Variants in ZMIZ1 observed in about 807,000 individuals in gnomAD.
ZMIZ1 encodes zinc finger MIZ-type containing 1.
Under a neutral mutation model 113.9 loss-of-function variants are expected in ZMIZ1, and 17 were observed. The ratio of observed to expected loss-of-function variants is 0.15; its 90% confidence interval spans 0.10 to 0.22. ZMIZ1 has a LOEUF of 0.22. Ranked by LOEUF, ZMIZ1 falls within the 10% of genes least tolerant of loss-of-function variation. The pLI, the probability that ZMIZ1 is intolerant of heterozygous loss-of-function variation, is 1.00. For synonymous variants in ZMIZ1, 607 were observed against 603.1 expected (o/e 1.01, Z -0.09); for missense variants, 1,059 against 1,477.8 (o/e 0.72, Z 4.65).
At chr10:79,183,757 A>G (rs1790242207) in intron 4 of ZMIZ1, among the ~76,000 whole-genome samples, 1 of 152,124 alleles carries the variant, frequency 6.6e-6, no homozygotes, top group Non-Finnish European at 1.5e-5. Context: ...AATAAAACAA[A>G]TCAATATTTG....
At chr10:79,249,047 G>T (rs747532620) in intron 7 of ZMIZ1, among the ~76,000 whole-genome samples, 2 of 152,196 alleles carry the variant, frequency 1.3e-5, no homozygotes, top group Non-Finnish European at 2.9e-5. Context: ...AGCAAGGTCT[G>T]GTTCAACCCC....
At chr10:79,283,767 C>CG (rs1259079794) in intron 8 of ZMIZ1, among the ~76,000 whole-genome samples, 1 of 152,222 alleles carries the variant, frequency 6.6e-6, no homozygotes. Flanking sequence ...TTAACACCCT[C>CG]TAATATGCAG....
intron 7 of ZMIZ1, among the ~76,000 whole-genome samples, chr10:79,253,106 C>T (rs1327794941): frequency 6.6e-6 from 1 of 152,070 alleles, no homozygotes; most frequent in African/African-American, 2.4e-5. Flanking sequence ...TGTGCGGGGC[C>T]GGACATGCAT....
chr10:79,298,729 G>GTGA, intron 15 of ZMIZ1, 149 bp downstream of exon 15: 1 of 793,460 alleles, frequency 1.3e-6, no homozygotes, highest in Non-Finnish European at 1.9e-6. Flanking sequence ...GCACACTCAA[G>GTGA]GCGGGGTAGG....
intron 7 of ZMIZ1, among the ~76,000 whole-genome samples, chr10:79,239,667 G>T (rs1455300673): frequency 6.6e-6 from 1 of 152,116 alleles, no homozygotes; most frequent in Non-Finnish European, 1.5e-5. Context: ...CCTTGCTAGT[G>T]GCCTCTCAGC....
intron 20 of ZMIZ1, 43 bp downstream of exon 20, chr10:79,305,274 A>T: frequency 1.9e-6 from 3 of 1,603,530 alleles, no homozygotes; most frequent in Non-Finnish European, 2.6e-6. Context: ...CCATCCCCCA[A>T]CCACAGACGG....
chr10:79,224,845 A>G (rs2132752038), intron 7 of ZMIZ1, among the ~76,000 whole-genome samples: 1 of 152,276 alleles, frequency 6.6e-6, no homozygotes, highest in African/African-American at 2.4e-5. Context: ...GGATCCCAGA[A>G]AGCACTGATC....
rs749077038 is a variant in ZMIZ1 at position 79,298,469 on chromosome 10, C to A, written c.1555C>A (p.Pro519Thr). Residue 519 changes from proline (P) to threonine (T), a missense_variant, in exon 15 of 25, where the codon CCC becomes ACC. Pro to Thr is a conservative substitution (Grantham distance 38). Coordinates refer to ENST00000334512, the MANE Select transcript of ZMIZ1 (RefSeq NM_020338.4). Reference sequence around the variant, plus strand: ...ACCTGTTCCAGGGAACCCCACACCCCCCATGACCCCTGGGAGCAGCATCCC... The same window carrying A: ...ACCTGTTCCAGGGAACCCCACACCCACCATGACCCCTGGGAGCAGCATCCC... ...HSPVPGNPTP[P>T]MTPGSSIPPY... 2.5e-6 allele frequency: 4 copies of A among 1,608,014 alleles called. No homozygotes were observed. Among genetic ancestry groups the A allele is most frequent in the East Asian group, 2.3e-5 (1 of 44,180 alleles).
At chr10:79,109,238 A>G (rs1333261877) in intron 1 of ZMIZ1, among the ~76,000 whole-genome samples, 1 of 152,100 alleles carries the variant, frequency 6.6e-6, no homozygotes, top group Non-Finnish European at 1.5e-5. Flanking sequence ...AGGGGTGTAC[A>G]TGCCTCTGTG....
intron 1 of ZMIZ1, among the ~76,000 whole-genome samples, chr10:79,084,040 C>T (rs1842735836): frequency 6.6e-6 from 1 of 152,190 alleles, no homozygotes; most frequent in African/African-American, 2.4e-5. Flanking sequence ...TCATCCCCTG[C>T]ATGTTCATAC....
intron 1 of ZMIZ1, among the ~76,000 whole-genome samples, chr10:79,077,660 G>T (rs1479479499): frequency 6.6e-6 from 1 of 152,214 alleles, no homozygotes; most frequent in Non-Finnish European, 1.5e-5. Context: ...AGACTGCCTG[G>T]GTTCAGCCCT....
At chr10:79,279,131 G>A (rs865916519) in intron 8 of ZMIZ1, among the ~76,000 whole-genome samples, 2 of 149,426 alleles carry the variant, frequency 1.3e-5, no homozygotes, top group African/African-American at 5.1e-5. Context: ...CGGACGGGGC[G>A]GCTGGCCGGA....
intron 7 of ZMIZ1, among the ~76,000 whole-genome samples, chr10:79,248,714 C>T (rs1182691454): frequency 6.6e-6 from 1 of 152,180 alleles, no homozygotes; most frequent in Non-Finnish European, 1.5e-5. Context: ...CTTGTCCAGA[C>T]CTCCCCACAA....
At chr10:79,268,973 G>A (rs1419531756) in intron 7 of ZMIZ1, among the ~76,000 whole-genome samples, 1 of 152,190 alleles carries the variant, frequency 6.6e-6, no homozygotes, top group Non-Finnish European at 1.5e-5. Flanking sequence ...TCATCAGGAT[G>A]TGGTGACCAG....
intron 1 of ZMIZ1, among the ~76,000 whole-genome samples, chr10:79,102,199 A>G (rs1195409527): frequency 2.0e-5 from 3 of 152,264 alleles, no homozygotes; most frequent in African/African-American, 4.8e-5. Flanking sequence ...AGCCTGTTGG[A>G]CCAGGCCTCG....
chr10:79,250,979 G>C (rs1188731043), intron 7 of ZMIZ1, among the ~76,000 whole-genome samples: 1 of 152,194 alleles, frequency 6.6e-6, no homozygotes, highest in Non-Finnish European at 1.5e-5. Flanking sequence ...CTGGGGAACA[G>C]ACCACGCGCA....
At position 79,233,107 on chromosome 10, in the gene ZMIZ1, T is replaced by A. The variant is rs774628293; in HGVS notation, c.280+16833T>A. Among the ~76,000 whole-genome samples, 9 of 152,312 alleles carry A rather than the reference T, an allele frequency of 5.9e-5. No individual in the cohort carries two copies. The East Asian group carries it at 1.7e-3, about 29-fold the overall frequency. ...CAATTACACACCACACTCCCAGGTT[T>A]GTCTGGGGCCCAAGGGGGGTGTGGG... On this transcript the variant is annotated intron_variant, in intron 7 of 24. Transcript: ENST00000334512.
chr10:79,300,151 TGC>T (rs1255437603), intron 16 of ZMIZ1, among the ~76,000 whole-genome samples: 1 of 152,234 alleles, frequency 6.6e-6, no homozygotes, highest in Non-Finnish European at 1.5e-5. Context: ...CAAACCACTG[TGC>T]TGCCTGCCTG....
chr10:79,184,515 C>T (rs1158931717), intron 4 of ZMIZ1, among the ~76,000 whole-genome samples: 3 of 152,206 alleles, frequency 2.0e-5, no homozygotes, highest in African/African-American at 7.2e-5. Context: ...AGCACAGCTC[C>T]CAGAGGCGCC....
Sources: gnomAD v4.1 joint callset for allele counts (sites outside exome capture counted in the v4.1 genomes callset) on GRCh38, gnomAD v4.1.1 for gene constraint, MANE v1.5 for transcripts, NCBI Gene and HGNC (gene_info 2026-07-23, HGNC 2026-07-21) for gene names.